The following EBF2 variants were observed in gnomAD, a reference collection of about 807,000 sequenced individuals.
EBF2 encodes the protein EBF transcription factor 2.
In EBF2, 21 loss-of-function variants were observed where a neutral mutation model predicts 72.8. That is an observed-to-expected ratio of 0.29 (90% CI 0.20 to 0.42). The LOEUF is 0.42. Ranked by LOEUF, EBF2 falls within the 10% of genes least tolerant of loss-of-function variation. The probability of loss-of-function intolerance (pLI) is 1.00; values close to 1 mark genes in which losing one functional copy is unlikely to be tolerated. For missense variants in EBF2, 637 were observed against 731.2 expected, an observed-to-expected ratio of 0.87 and a Z score of 1.49; for synonymous variants, 299 against 274.2, an observed-to-expected ratio of 1.09 and a Z score of -0.89.
intron 10 of EBF2, among the ~76,000 whole-genome samples, chr8:25,886,059 A>C (rs1802685463): frequency 6.6e-6 from 1 of 152,104 alleles, no homozygotes; most frequent in Admixed American, 6.6e-5. Context: ...CCCTGTCCGT[A>C]AATATGGTCT....
In EBF2 at chr8:25,844,450, G is replaced by A. The variant is rs1175753868; in HGVS notation, c.*159C>T. The A allele has an allele frequency of 5.7e-6, 4 of 705,646 alleles. No individual in the cohort carries two copies. The highest frequency in any genetic ancestry group is 9.8e-6 in the Non-Finnish European group (4 of 409,948). The allele number at this position is 705,646 out of a possible 1,614,324, so 43.7% of individuals were successfully genotyped here. On this transcript the variant is annotated 3_prime_UTR_variant, in exon 16 of 16. Coordinates refer to ENST00000520164, the MANE Select transcript of EBF2 (RefSeq NM_022659.4). ...GTAGCCACCATCAGAGCTATAGGAG[G>A]ACGTGGGACCAAGTAAGATGCTGGC...
At chr8:25,903,589 C>A (rs1366193665) in intron 7 of EBF2, among the ~76,000 whole-genome samples, 1 of 152,068 alleles carries the variant, frequency 6.6e-6, no homozygotes, top group East Asian at 1.9e-4. Flanking sequence ...CCCAGCTACT[C>A]TGGAGGCTGA....
chr8:26,037,845 ATTTT>A (rs1805529158), intron 5 of EBF2, among the ~76,000 whole-genome samples: 1 of 151,900 alleles, frequency 6.6e-6, no homozygotes, highest in Non-Finnish European at 1.5e-5. Context: ...AAAGAGATTT[ATTTT>A]GTCTCTGCTT....
intron 15 of EBF2, among the ~76,000 whole-genome samples, chr8:25,850,087 G>C (rs1338437043): frequency 6.6e-6 from 1 of 152,262 alleles, no homozygotes; most frequent in South Asian, 2.1e-4. Flanking sequence ...GCTGATGTCT[G>C]TTTTCCCTGA....
chr8:25,951,995 T>A (rs1803870476), intron 6 of EBF2, among the ~76,000 whole-genome samples: 1 of 152,194 alleles, frequency 6.6e-6, no homozygotes, highest in Admixed American at 6.5e-5. Context: ...GGGACTCTGT[T>A]AAAAATTACA....
chr8:26,041,269 C>G (rs956373980), intron 2 of EBF2: 1 of 523,356 alleles, frequency 1.9e-6, no homozygotes, highest in Admixed American at 3.2e-5. Flanking sequence ...CTTGAGCTTC[C>G]GACAACAGGA....
At chr8:25,968,571 T>G (rs1376544837) in intron 6 of EBF2, among the ~76,000 whole-genome samples, 1 of 152,170 alleles carries the variant, frequency 6.6e-6, no homozygotes, top group Non-Finnish European at 1.5e-5. Context: ...ACAGATTGTT[T>G]GTTTGCTTCA....
At chr8:25,969,534 C>T (rs964483064) in intron 6 of EBF2, among the ~76,000 whole-genome samples, 2 of 152,174 alleles carry the variant, frequency 1.3e-5, no homozygotes, top group East Asian at 1.9e-4. Context: ...GCACCTATCC[C>T]GGGAGGACAC....
intron 11 of EBF2, 94 bp from the exon 12 acceptor site, chr8:25,861,468 C>T (rs573935691): frequency 1.4e-6 from 2 of 1,403,866 alleles, no homozygotes; most frequent in Admixed American, 3.6e-5. Flanking sequence ...ATCCACACAT[C>T]CCTCCCAAAA....
intron 10 of EBF2, among the ~76,000 whole-genome samples, chr8:25,874,570 G>T (rs1171962305): frequency 6.6e-6 from 1 of 152,066 alleles, no homozygotes; most frequent in Non-Finnish European, 1.5e-5. Context: ...CACCTACTCT[G>T]CATGTACCTG....
chr8:25,902,570 C>A (rs1016254874), intron 7 of EBF2, among the ~76,000 whole-genome samples: 2 of 151,828 alleles, frequency 1.3e-5, no homozygotes, highest in African/African-American at 4.8e-5. Flanking sequence ...CTACAGAATG[C>A]CTGCCATTAT....
chr8:25,998,260 G>A (rs1286069688), intron 6 of EBF2, among the ~76,000 whole-genome samples: 1 of 152,190 alleles, frequency 6.6e-6, no homozygotes, highest in Non-Finnish European at 1.5e-5. Context: ...ATGTCAGGCA[G>A]TGGGAGGGAA....
chr8:26,034,671 C>T (rs1266674347), intron 5 of EBF2, among the ~76,000 whole-genome samples: 1 of 152,232 alleles, frequency 6.6e-6, no homozygotes, highest in African/African-American at 2.4e-5. Flanking sequence ...CAGCTCATCT[C>T]AGGTACATGG....
chr8:25,901,318 G>A (rs1369018718), intron 7 of EBF2, among the ~76,000 whole-genome samples: 1 of 151,766 alleles, frequency 6.6e-6, no homozygotes, highest in East Asian at 1.9e-4. Context: ...GCTACTTAAG[G>A]GGCTGAGGTG....
chr8:25,890,620 G>T (rs1054056059), intron 7 of EBF2, among the ~76,000 whole-genome samples: 3 of 152,112 alleles, frequency 2.0e-5, no homozygotes, highest in Non-Finnish European at 2.9e-5. Context: ...ATAACAATGT[G>T]TATCTCACAG....
chr8:25,989,204 G>C (rs1804508471), intron 6 of EBF2, among the ~76,000 whole-genome samples: 1 of 152,188 alleles, frequency 6.6e-6, no homozygotes, highest in Non-Finnish European at 1.5e-5. Context: ...AACAGAAAAG[G>C]ATGAATTAAA....
intron 14 of EBF2, among the ~76,000 whole-genome samples, chr8:25,854,999 A>G (rs983364711): frequency 1.3e-5 from 2 of 152,164 alleles, no homozygotes; most frequent in Non-Finnish European, 2.9e-5. Flanking sequence ...GGCTTGTTAA[A>G]TAGACAATCT....
At chr8:25,923,857 AT>A (rs1333056575) in intron 6 of EBF2, among the ~76,000 whole-genome samples, 2 of 152,122 alleles carry the variant, frequency 1.3e-5, no homozygotes, top group Non-Finnish European at 2.9e-5. Context: ...GACTTTGATC[AT>A]TTTTTTAATG....
intron 6 of EBF2, among the ~76,000 whole-genome samples, chr8:26,010,688 G>T (rs1003738376): frequency 6.6e-5 from 10 of 152,068 alleles, no homozygotes; most frequent in Non-Finnish European, 1.3e-4. Flanking sequence ...CAAATTAATT[G>T]ATTTATAAAC....
Sources: gnomAD v4.1 joint callset for allele counts (sites outside exome capture counted in the v4.1 genomes callset) on GRCh38, gnomAD v4.1.1 for gene constraint, MANE v1.5 for transcripts, NCBI Gene and HGNC (gene_info 2026-07-23, HGNC 2026-07-21) for gene names.